The following ATG3 variants were observed in gnomAD, a reference collection of about 807,000 sequenced individuals.
ATG3 encodes autophagy related 3, also known as ubiquitin-like-conjugating enzyme ATG3.
ATG3 carries 25 observed loss-of-function variants against 50.7 expected under a neutral mutation model. The observed-to-expected ratio is 0.49, with a 90% CI of 0.36 to 0.69. The LOEUF (loss-of-function observed/expected upper bound fraction) is 0.69. ATG3 is among the 30% of genes least tolerant of loss of function. The pLI, the probability that ATG3 is intolerant of heterozygous loss-of-function variation, is 0.00. For synonymous variants in ATG3, 119 were observed against 125.5 expected, an observed-to-expected ratio of 0.95 and a Z score of 0.34; for missense variants, 281 against 376.0, an observed-to-expected ratio of 0.75 and a Z score of 2.09.
chr3:112,542,498 T>C (rs138999397), intron 6 of ATG3, among the ~76,000 whole-genome samples: 97 of 152,164 alleles, frequency 6.4e-4, no homozygotes, highest in African/African-American at 2.2e-3. Flanking sequence ...ACATAATAAG[T>C]GGATAAACTG....
intron 11 of ATG3, chr3:112,533,210 T>G: frequency 3.0e-6 from 3 of 985,538 alleles, no homozygotes; most frequent in Non-Finnish European, 3.6e-6. Flanking sequence ...AGTAGACTGA[T>G]TCTAGGTTAG....
At chr3:112,532,818 T>C (rs903639161) in intron 11 of ATG3, 38 bp from the exon 12 acceptor site, 1 of 1,546,778 alleles carries the variant, frequency 6.5e-7, no homozygotes, top group African/African-American at 1.4e-5. Context: ...GATTTGTAAA[T>C]AGTTCTATGT....
Position 112,544,126 on chromosome 3 carries a change from A to G in ATG3, c.344-20T>C, listed in dbSNP as rs1933308132. ...TAATACCTATGTAAAATTCGGCAGA[A>G]AAGAATAACTAAAATTAAACTGTAA... is the stretch of plus-strand genomic sequence containing the variant. On this transcript the variant is annotated intron_variant, in intron 5 of 11. Transcript: ENST00000283290. 1.9e-6 allele frequency: 3 copies of G among 1,576,694 alleles called. No homozygotes were observed. Among genetic ancestry groups the G allele is most frequent in the African/African-American group, 1.4e-5 (1 of 73,902 alleles).
chr3:112,558,318 C>T, intron 2 of ATG3, 58 bp downstream of exon 2: 1 of 1,291,194 alleles, frequency 7.7e-7, no homozygotes, highest in South Asian at 1.4e-5. Context: ...AGCAGAAAAG[C>T]CACCTAGTTT....
At chr3:112,535,654 G>A (rs1428670386) in intron 10 of ATG3, 1 of 152,164 alleles carries the variant, frequency 6.6e-6, no homozygotes, top group African/African-American at 2.4e-5. Context: ...CGGAGTTAAA[G>A]TTTGAGAGTA....
In ATG3 at chr3:112,550,173, T is replaced by C; in HGVS notation, c.235+19A>G. ...TACCTCTACGCAAAATTTATTCATA[T>C]ATGCAACATAATTCTTACCATTTTT... On this transcript the variant is annotated intron_variant, in intron 4 of 11. Transcript: ENST00000283290. 6.3e-7 allele frequency: 1 copy of C among 1,574,944 alleles called. No homozygotes were observed. The highest frequency in any genetic ancestry group is 8.7e-7 in the Non-Finnish European group (1 of 1,149,582).
intron 2 of ATG3, among the ~76,000 whole-genome samples, chr3:112,556,192 G>A (rs1285764426): frequency 6.6e-6 from 1 of 152,248 alleles, no homozygotes; most frequent in Non-Finnish European, 1.5e-5. Context: ...GCCCACAACC[G>A]TTATTTTATA....
At chr3:112,548,095 T>C (rs1205821716) in intron 5 of ATG3, among the ~76,000 whole-genome samples, 1 of 152,202 alleles carries the variant, frequency 6.6e-6, no homozygotes, top group Non-Finnish European at 1.5e-5. Context: ...GGCTCATGCC[T>C]GTAATCCTAG....
intron 5 of ATG3, among the ~76,000 whole-genome samples, chr3:112,546,576 G>C (rs762574963): frequency 5.9e-5 from 9 of 151,972 alleles, no homozygotes; most frequent in Non-Finnish European, 1.0e-4. Context: ...TACATCCTAT[G>C]GGTTGTTTCT....
At chr3:112,543,365 A>C (rs545772807) in intron 6 of ATG3, among the ~76,000 whole-genome samples, 1 of 152,150 alleles carries the variant, frequency 6.6e-6, no homozygotes, top group Non-Finnish European at 1.5e-5. Flanking sequence ...TGAAAAGCTA[A>C]TCTAATACCT....
rs531742115 is a variant in ATG3, at chr3:112,554,416, T to A, written c.115-1087A>T. On this transcript the variant is annotated intron_variant, in intron 2 of 11. Transcript: ENST00000283290. ...AGAAGGTTCTTTGTAATTCTCCCCA[T>A]CCTTGAGAATGTATTTTGTGCCATC... 2.8e-4 allele frequency among the ~76,000 whole-genome samples: 43 copies of A among 152,206 alleles called. 2 individuals carry two copies. Among genetic ancestry groups the A allele is most frequent in the Non-Finnish European group, 1.3e-4 (9 of 68,024 alleles).
At chr3:112,539,618 A>AT (rs566432917) in intron 7 of ATG3, among the ~76,000 whole-genome samples, 1 of 151,994 alleles carries the variant, frequency 6.6e-6, no homozygotes, top group African/African-American at 2.4e-5. Context: ...TTGCTTATCT[A>AT]TTTTTTGTCT....
At chr3:112,544,014 TA>T (rs765747579) in intron 6 of ATG3, 42 bp downstream of exon 6, 2 of 1,429,056 alleles carry the variant, frequency 1.4e-6, no homozygotes, top group Non-Finnish European at 9.8e-7. Flanking sequence ...GATAGGCAAA[TA>T]ACTACTCATT....
intron 3 of ATG3, among the ~76,000 whole-genome samples, chr3:112,551,887 CA>C (rs1429231582): frequency 6.6e-6 from 1 of 151,592 alleles, no homozygotes; most frequent in African/African-American, 2.4e-5. Flanking sequence ...AAATATGGAA[CA>C]AAAAACACAT....
chr3:112,536,727 C>A, intron 9 of ATG3, 125 bp from the exon 10 acceptor site: 1 of 957,400 alleles, frequency 1.0e-6, no homozygotes, highest in South Asian at 1.6e-5. Context: ...CGAGACCATC[C>A]TGGCTAACAT....
At chr3:112,533,986 G>A in intron 11 of ATG3, 1 of 1,166,580 alleles carries the variant, frequency 8.6e-7, no homozygotes, top group Non-Finnish European at 1.1e-6. Flanking sequence ...AACTGGAAAT[G>A]TACATAAGAA....
intron 7 of ATG3, among the ~76,000 whole-genome samples, chr3:112,540,614 C>T (rs957829264): frequency 2.7e-5 from 4 of 148,884 alleles, no homozygotes; most frequent in African/African-American, 1.0e-4. Flanking sequence ...TCTGGGAGTA[C>T]AGAGAGTAAG....
intron 3 of ATG3, among the ~76,000 whole-genome samples, 167 bp from the exon 4 acceptor site, chr3:112,550,429 T>A (rs1157980815): frequency 6.6e-6 from 1 of 152,190 alleles, no homozygotes; most frequent in Non-Finnish European, 1.5e-5. Flanking sequence ...TGTCAGGGCA[T>A]GGAGAAAAGC....
At chr3:112,553,914 G>C (rs1008936076) in intron 2 of ATG3, among the ~76,000 whole-genome samples, 1 of 152,104 alleles carries the variant, frequency 6.6e-6, no homozygotes, top group Non-Finnish European at 1.5e-5. Flanking sequence ...GAAAAAGTTA[G>C]AAGCTTTTTG....
Sources: allele counts gnomAD v4.1 joint callset (sites outside exome capture counted in the v4.1 genomes callset), GRCh38; gene constraint gnomAD v4.1.1; transcripts MANE v1.5; gene names NCBI Gene and HGNC (gene_info 2026-07-23, HGNC 2026-07-21).